NAA25: variants seen among roughly 807,000 people sequenced by gnomAD.
NAA25 encodes N-terminal acetyltransferase B complex subunit NAA25.
Under a neutral mutation model 132.5 loss-of-function variants are expected in NAA25, and 30 were observed. That is an observed-to-expected ratio of 0.23 (90% CI 0.17 to 0.31). The LOEUF (loss-of-function observed/expected upper bound fraction) is 0.31, where lower values mean the gene tolerates loss of function less well. NAA25 is among the 10% of genes least tolerant of loss of function. The pLI is 1.00. For missense variants in NAA25, 771 were observed against 1,150.4 expected (o/e 0.67, Z 4.77); for synonymous variants, 359 against 401.9 (o/e 0.89, Z 1.28).
intron 4 of NAA25, among the ~76,000 whole-genome samples, chr12:112,084,845 C>T (rs572238017): frequency 6.6e-6 from 1 of 151,926 alleles, no homozygotes; most frequent in East Asian, 1.9e-4. Context: ...GCCTGTAATC[C>T]CAATATTTTG....
chr12:112,099,538 G>A (rs2079261503), intron 1 of NAA25, among the ~76,000 whole-genome samples: 1 of 152,074 alleles, frequency 6.6e-6, no homozygotes, highest in Admixed American at 6.6e-5. Context: ...ATGAGATTAG[G>A]TAAAAGAACG....
Position 112,029,668 on chromosome 12 carries a change from A to G in NAA25, c.2797-15T>C, listed in dbSNP as rs113406027. ...TTTCTCTCTTCCTATAAAGGAGGAG[A>G]CAAGAATAATTAGTCTTGTTTAAAA... On this transcript the variant is annotated splice_polypyrimidine_tract_variant and intron_variant, in intron 23 of 23. Coordinates refer to ENST00000261745, the MANE Select transcript of NAA25 (RefSeq NM_024953.4). 8 of 1,608,704 alleles carry G rather than the reference A, an allele frequency of 5.0e-6. No individual in the cohort carries two copies. Among genetic ancestry groups the G allele is most frequent in the Non-Finnish European group, 6.8e-6 (8 of 1,178,788 alleles).
chr12:112,059,539 A>G (rs981637592), intron 13 of NAA25, among the ~76,000 whole-genome samples: 1 of 152,116 alleles, frequency 6.6e-6, no homozygotes, highest in African/African-American at 2.4e-5. Context: ...TTCCTTTACC[A>G]TGTCTTATAT....
intron 2 of NAA25, among the ~76,000 whole-genome samples, chr12:112,091,302 T>C (rs1429651497): frequency 2.7e-5 from 4 of 150,424 alleles, no homozygotes; most frequent in African/African-American, 9.8e-5. Context: ...CGTATAACAC[T>C]TTGGGAGACT....
At chr12:112,070,576 T>C (rs1593794997) in intron 10 of NAA25, among the ~76,000 whole-genome samples, 1 of 152,164 alleles carries the variant, frequency 6.6e-6, no homozygotes, top group African/African-American at 2.4e-5. Flanking sequence ...TTTTTTTTAA[T>C]TTTTTGTTGT....
chr12:112,103,250 G>T (rs1051067740), intron 1 of NAA25, among the ~76,000 whole-genome samples: 2 of 152,172 alleles, frequency 1.3e-5, no homozygotes, highest in Non-Finnish European at 2.9e-5. Context: ...GCCTCCCAAA[G>T]TGCTGGGATT....
At chr12:112,056,579 T>C (rs1304922162) in intron 13 of NAA25, among the ~76,000 whole-genome samples, 2 of 152,092 alleles carry the variant, frequency 1.3e-5, no homozygotes, top group Non-Finnish European at 2.9e-5. Flanking sequence ...GAAAAAATAT[T>C]TGAGAGCACC....
rs551417954 is a variant in NAA25 at position 112,059,316 on chromosome 12, C to G, written c.1447+954G>C. ...TGCTCTGTGAAATGATCCATGAGGG[C>G]AGGGGTTGTGTTTATCTTGCTTACC... is the stretch of plus-strand genomic sequence containing the variant. On this transcript the variant is annotated intron_variant, in intron 13 of 23. Coordinates refer to ENST00000261745, the MANE Select transcript of NAA25 (RefSeq NM_024953.4). 2.0e-3 allele frequency among the ~76,000 whole-genome samples: 309 copies of G among 152,008 alleles called. 3 individuals are homozygous for G. The highest frequency in any genetic ancestry group is 0.014 in the South Asian group (66 of 4,818).
intron 11 of NAA25, among the ~76,000 whole-genome samples, chr12:112,067,950 C>A (rs2078743604): frequency 6.6e-6 from 1 of 152,156 alleles, no homozygotes; most frequent in South Asian, 2.1e-4. Context: ...ATTGGCCAGG[C>A]TGGTCTTGAA....
intron 5 of NAA25, among the ~76,000 whole-genome samples, chr12:112,079,298 G>T (rs1031786473): frequency 8.5e-5 from 13 of 152,136 alleles, no homozygotes; most frequent in Non-Finnish European, 1.5e-5. Flanking sequence ...AGAAACTAAG[G>T]TTAGGCCAGG....
At chr12:112,051,325 C>G (rs749946470) in intron 15 of NAA25, among the ~76,000 whole-genome samples, 6 of 152,192 alleles carry the variant, frequency 3.9e-5, no homozygotes, top group African/African-American at 1.4e-4. Context: ...ATTCTCCTGC[C>G]TCAGCCTGCC....
rs888284414 is a variant in NAA25, at chr12:112,049,571, ACC to A, written c.1729-1130_1729-1129del. 1 of 985,652 alleles carries A rather than the reference ACC, an allele frequency of 1.0e-6. No individual in the cohort carries two copies. Among genetic ancestry groups the A allele is most frequent in the African/African-American group, 1.7e-5 (1 of 57,204 alleles). 61.1% of individuals were successfully genotyped at this position (985,652 alleles called of 1,614,324 possible). On this transcript the variant is annotated intron_variant, in intron 15 of 23. Transcript: ENST00000261745. The surrounding 1 kb of genome is among the most constrained non-coding windows in gnomAD (Gnocchi z 4.7). ...CAACTGCATTCGATGCGGCTTTTAA[ACC>A]CCCATGGGACACCTCGGCGAGCTGT... is the stretch of plus-strand genomic sequence containing the variant.
intron 1 of NAA25, among the ~76,000 whole-genome samples, chr12:112,096,334 T>C (rs1034230589): frequency 3.9e-5 from 6 of 152,232 alleles, no homozygotes; most frequent in Non-Finnish European, 8.8e-5. Flanking sequence ...CAAAGTTCCC[T>C]ATCAGCAAAG....
At chr12:112,094,240 C>CAAAAAAAA (rs199734463) in intron 1 of NAA25, among the ~76,000 whole-genome samples, 3 of 69,284 alleles carry the variant, frequency 4.3e-5, no homozygotes, top group Admixed American at 1.6e-4. Flanking sequence ...GACTCTGTCT[C>CAAAAAAAA]AAAAAAAAAA....
chr12:112,054,243 T>C, intron 14 of NAA25, 145 bp downstream of exon 14: 1 of 705,802 alleles, frequency 1.4e-6, no homozygotes, highest in Non-Finnish European at 2.2e-6. Flanking sequence ...TATAAAAATC[T>C]TTCTGGTTTG....
intron 23 of NAA25, 75 bp from the exon 24 acceptor site, chr12:112,029,728 T>C: frequency 6.4e-7 from 1 of 1,562,814 alleles, no homozygotes. Context: ...CAGATAAAAG[T>C]TAAAGCTGCC....
At chr12:112,054,296 T>A (rs2078512019) in intron 14 of NAA25, 92 bp downstream of exon 14, 1 of 1,114,252 alleles carries the variant, frequency 9.0e-7, no homozygotes, top group Admixed American at 2.4e-5. Context: ...AAAGGCTTAA[T>A]GTCACAATCA....
At chr12:112,061,417 G>A (rs2136860730) in intron 11 of NAA25, 29 bp from the exon 12 acceptor site, 1 of 1,535,966 alleles carries the variant, frequency 6.5e-7, no homozygotes, top group South Asian at 1.1e-5. Context: ...AGGAGCAAAG[G>A]TCTCAAAACA....
rs530679445 is a variant in NAA25, at chr12:112,032,350, C to T, written c.2796+883G>A. Among the ~76,000 whole-genome samples, 11 of 152,252 alleles carry T rather than the reference C, an allele frequency of 7.2e-5. No individual in the cohort carries two copies. In the East Asian group the frequency reaches 1.3e-3, roughly 19 times the overall value. On this transcript the variant is annotated intron_variant, in intron 23 of 23. Transcript: ENST00000261745. The stretch of plus-strand genomic sequence containing the variant: ...AGTAAGCACTCTGTTCAAAGTCTAA[C>T]GTTTTTAAGCTTTACAAAAGAGGGG...
Sources: allele counts gnomAD v4.1 joint callset (sites outside exome capture counted in the v4.1 genomes callset), GRCh38; gene constraint gnomAD v4.1.1; non-coding constraint Gnocchi (gnomAD v3.1); transcripts MANE v1.5; gene names NCBI Gene and HGNC (gene_info 2026-07-23, HGNC 2026-07-21).